Variants in DNAH17 observed in about 807,000 individuals in gnomAD.
DNAH17 encodes the protein axonemal beta dynein heavy chain 17.
A neutral mutation model predicts 485.6 loss-of-function variants in DNAH17; 376 were observed. The ratio of observed to expected loss-of-function variants is 0.77; its 90% CI spans 0.71 to 0.84. DNAH17 has a LOEUF of 0.84. DNAH17 is among the 40% of genes least tolerant of loss of function. The pLI, the probability that DNAH17 is intolerant of heterozygous loss-of-function variation, is 0.00. For synonymous variants in DNAH17, 3,031 were observed against 2,405.9 expected, an observed-to-expected ratio of 1.26 and a Z score of -7.60; for missense variants, 6,370 against 5,839.3, an observed-to-expected ratio of 1.09 and a Z score of -2.96.
intron 11 of DNAH17, among the ~76,000 whole-genome samples, chr17:78,563,821 T>C (rs908929416): frequency 2.0e-5 from 3 of 152,120 alleles, no homozygotes; most frequent in Non-Finnish European, 2.9e-5. Context: ...AGCACAGGGC[T>C]GTCAAACCAG....
chr17:78,571,371 CT>C lies in DNAH17; in HGVS notation c.739del (p.Arg247AspfsTer4). On this transcript the variant is annotated frameshift_variant, in exon 5 of 81. Coordinates refer to ENST00000389840, the MANE Select transcript of DNAH17 (RefSeq NM_173628.4). LOFTEE classifies it high-confidence loss of function. Reference sequence around the variant, plus strand: ...CTCAACAATCTTGTTCACTTTGGGTCTGTTTAGCTGAGAAGGGGAGTGAAGA... The same window carrying C: ...CTCAACAATCTTGTTCACTTTGGGTCGTTTAGCTGAGAAGGGGAGTGAAGA... Reference protein sequence around the residue: ...NLKCIHEQLNRPKVNKIVEIL... With the variant: ...NLKCIHEQLNXPKVNKIVEIL... The C allele has an allele frequency of 6.2e-7, 1 of 1,613,304 alleles. No individual in the cohort carries two copies. The highest frequency in any genetic ancestry group is 8.5e-7 in the Non-Finnish European group (1 of 1,179,412).
chr17:78,566,487 G>T, intron 11 of DNAH17, 127 bp downstream of exon 11: 1 of 695,026 alleles, frequency 1.4e-6, no homozygotes, highest in Non-Finnish European at 2.4e-6. Flanking sequence ...ACAGGAGACG[G>T]GCCCTCCCTC....
chr17:78,454,530 A>C lies in DNAH17; in HGVS notation c.10346T>G (p.Ile3449Ser). The C allele has an allele frequency of 6.2e-7, 1 of 1,612,900 alleles. No individual in the cohort carries two copies. The highest frequency in any genetic ancestry group is 8.5e-7 in the Non-Finnish European group (1 of 1,179,786). Residue 3449 changes from isoleucine to serine, a missense_variant, in exon 64 of 81, where the codon ATC becomes AGC. Transcript: ENST00000389840. The stretch of plus-strand genomic sequence containing the variant: ...CCTGTATTTGTTTTTGATCCACTTG[A>C]TTCCTTGGAGCTGGGCGTCCACGAT... The part of the protein sequence containing the change: ...PLIVDAQLQG[I>S]KWIKNKYRSE...
At chr17:78,571,823 C>T (rs375669908) in intron 3 of DNAH17, 41 bp from the exon 4 acceptor site, 4 of 1,531,080 alleles carry the variant, frequency 2.6e-6, no homozygotes, top group African/African-American at 2.8e-5. Context: ...CATGGCGACA[C>T]ACACGTGGGT....
chr17:78,429,344 C>T lies in DNAH17; in HGVS notation c.12226-44G>A. 1.9e-6 allele frequency: 3 copies of T among 1,588,768 alleles called. No individual in the cohort carries two copies. The South Asian group carries it at 3.3e-5, about 18-fold the overall frequency. On this transcript the variant is annotated intron_variant, in intron 75 of 80. Coordinates refer to ENST00000389840, the MANE Select transcript of DNAH17 (RefSeq NM_173628.4). ...GGGTAGGGGAAAGTGCCCCTGTGCC[C>T]CTTCTCTGCCATGAGAGGGTCAGGC...
At chr17:78,517,489 G>A (rs2090819017) in intron 25 of DNAH17, among the ~76,000 whole-genome samples, 1 of 152,238 alleles carries the variant, frequency 6.6e-6, no homozygotes, top group African/African-American at 2.4e-5. Context: ...AAGAGGCCCT[G>A]TGCTTGGAGT....
chr17:78,571,221 C>T, intron 5 of DNAH17, 58 bp downstream of exon 5: 3 of 1,489,850 alleles, frequency 2.0e-6, no homozygotes, highest in South Asian at 2.4e-5. Context: ...TCTGACCCAG[C>T]CCTCCCAGGA....
intron 21 of DNAH17, among the ~76,000 whole-genome samples, 162 bp downstream of exon 21, chr17:78,530,181 T>C (rs760109816): frequency 3.9e-5 from 6 of 152,230 alleles, no homozygotes; most frequent in Non-Finnish European, 8.8e-5. Flanking sequence ...CGGTGACACC[T>C]TTCTGCTCAC....
intron 80 of DNAH17, 80 bp from the exon 81 acceptor site, chr17:78,424,233 C>CA (rs2086289623): frequency 6.6e-7 from 1 of 1,507,428 alleles, no homozygotes; most frequent in Non-Finnish European, 8.9e-7. Context: ...GGGGTCCTCA[C>CA]ACTCCCCGCC....
chr17:78,524,299 A>G (rs1160513709), intron 25 of DNAH17, among the ~76,000 whole-genome samples: 1 of 152,064 alleles, frequency 6.6e-6, no homozygotes, highest in East Asian at 1.9e-4. Flanking sequence ...CACCACGCCC[A>G]GTTAATTTTC....
At position 78,458,437 on chromosome 17, in the gene DNAH17, A is replaced by G. The variant is rs139782062; in HGVS notation, c.9977+128T>C. 3.4e-4 allele frequency: 250 copies of G among 744,532 alleles called. 1 individual carries two copies. The African/African-American group carries it at 3.9e-3, about 12-fold the overall frequency. The allele number at this position is 744,532 out of a possible 1,614,324, so 46.1% of individuals were successfully genotyped here. A position where few individuals can be genotyped will look rare whatever the true frequency, so the allele number is the denominator to read the frequency against. ...TTTTATCCTAATTACTTTGAGCTCAAGAAGTGAAAGTGGCAACCTGGCTGC... is the reference window on the plus strand; with the variant it reads ...TTTTATCCTAATTACTTTGAGCTCAGGAAGTGAAAGTGGCAACCTGGCTGC... On this transcript the variant is annotated intron_variant, in intron 62 of 80. Transcript: ENST00000389840.
chr17:78,531,248 AT>A (rs1248741652), intron 20 of DNAH17, among the ~76,000 whole-genome samples: 1 of 151,612 alleles, frequency 6.6e-6, no homozygotes, highest in East Asian at 1.9e-4. Context: ...GATATGTAGA[AT>A]TGTTAAATCC....
At chr17:78,511,530 C>T (rs1414730260) in intron 26 of DNAH17, among the ~76,000 whole-genome samples, 2 of 152,200 alleles carry the variant, frequency 1.3e-5, no homozygotes, top group South Asian at 2.1e-4. Flanking sequence ...TGGCAGTGGC[C>T]GAATCACAGG....
At chr17:78,547,862 C>G (rs866212731) in intron 16 of DNAH17, among the ~76,000 whole-genome samples, 59 of 142,214 alleles carry the variant, frequency 4.1e-4, no homozygotes, top group African/African-American at 1.6e-3. Context: ...AAGTGATCGG[C>G]CTGCCTTGGC....
In DNAH17 at chr17:78,485,517, C is replaced by T. The variant is rs371123833; in HGVS notation, c.7483+33G>A. ...GGAACGGGGACTGGCGGGGGGCAGC[C>T]GGGTAGGCAGGGCGTGGCCGGACCA... On this transcript the variant is annotated intron_variant, in intron 47 of 80. Coordinates refer to ENST00000389840, the MANE Select transcript of DNAH17 (RefSeq NM_173628.4). 1,017 of 1,532,148 alleles carry T rather than the reference C, an allele frequency of 6.6e-4. 16 individuals carry two copies. The East Asian group carries it at 0.023, about 35-fold the overall frequency. 94.9% of individuals were successfully genotyped at this position (1,532,148 alleles called of 1,614,324 possible).
chr17:78,529,747 T>G, intron 21 of DNAH17, 53 bp from the exon 22 acceptor site: 1 of 1,573,748 alleles, frequency 6.4e-7, no homozygotes, highest in Non-Finnish European at 8.7e-7. Flanking sequence ...AGGCCCACCC[T>G]TGATGGTACG....
At chr17:78,457,910 C>T (rs576807011) in intron 62 of DNAH17, among the ~76,000 whole-genome samples, 24 of 152,314 alleles carry the variant, frequency 1.6e-4, no homozygotes, top group Admixed American at 1.3e-3. Flanking sequence ...ATCCACCCAC[C>T]TTGGCCTCCC....
chr17:78,502,330 T>C lies in DNAH17; in HGVS notation c.5190+261A>G, dbSNP rs940223488. On this transcript the variant is annotated intron_variant, in intron 33 of 80. Transcript: ENST00000389840. ...AAGGACATTTTTTTTTTAAAGACTCTCAGTAGCATCTGCCAATTTTCAGGC... is the reference window on the plus strand; with the variant it reads ...AAGGACATTTTTTTTTTAAAGACTCCCAGTAGCATCTGCCAATTTTCAGGC... The C allele has an allele frequency of 8.7e-5, 34 of 389,620 alleles. 1 individual carries two copies. In the East Asian group the frequency reaches 1.6e-3, roughly 18 times the overall value. The allele number at this position is 389,620 out of a possible 1,614,324, so 24.1% of individuals were successfully genotyped here.
intron 77 of DNAH17, 31 bp downstream of exon 77, chr17:78,428,492 CCT>C (rs1296016443): frequency 8.3e-6 from 13 of 1,561,356 alleles, no homozygotes; most frequent in African/African-American, 1.4e-5. Context: ...CCTCCCCCTT[CCT>C]CTCGCTTGGG....
Sources: allele counts gnomAD v4.1 joint callset (sites outside exome capture counted in the v4.1 genomes callset), GRCh38; gene constraint gnomAD v4.1.1; transcripts MANE v1.5; gene names NCBI Gene and HGNC (gene_info 2026-07-23, HGNC 2026-07-21).